CSMD3: variants seen among roughly 807,000 people sequenced by gnomAD.
CSMD3 encodes the protein CUB and sushi domain-containing protein 3.
CSMD3 carries 177 observed loss-of-function variants against 435.2 expected under a neutral mutation model. That is an observed-to-expected ratio of 0.41 (90% CI 0.36 to 0.46). The LOEUF is 0.46. CSMD3 is among the 20% of genes least tolerant of loss of function. The pLI is 0.34. For missense variants in CSMD3, 4,265 were observed against 4,504.6 expected (o/e 0.95, Z 1.52); for synonymous variants, 1,656 against 1,520.5 (o/e 1.09, Z -2.07).
chr8:112,437,120 G>T (rs1235911138), intron 32 of CSMD3, among the ~76,000 whole-genome samples: 4 of 151,946 alleles, frequency 2.6e-5, no homozygotes, highest in Non-Finnish European at 5.9e-5. Context: ...AACCAAAAGG[G>T]ATATGAAGAG....
chr8:113,372,152 T>C (rs1011154766), intron 1 of CSMD3, among the ~76,000 whole-genome samples: 16 of 152,180 alleles, frequency 1.1e-4, no homozygotes, highest in Admixed American at 1.0e-3. Flanking sequence ...GGGAGGTCAA[T>C]TTTTTATATC....
chr8:112,466,846 C>T (rs1194184134), intron 32 of CSMD3, among the ~76,000 whole-genome samples: 1 of 151,776 alleles, frequency 6.6e-6, no homozygotes, highest in Non-Finnish European at 1.5e-5. Flanking sequence ...GAAATAGTTG[C>T]TACTTATCAC....
chr8:112,852,728 C>G (rs961636887), intron 11 of CSMD3, among the ~76,000 whole-genome samples: 20 of 151,984 alleles, frequency 1.3e-4, no homozygotes, highest in Non-Finnish European at 2.8e-4. Flanking sequence ...TGAGACCATC[C>G]TGGCTAACAC....
chr8:113,277,158 ACTT>A (rs1315208656), intron 3 of CSMD3, among the ~76,000 whole-genome samples: 5 of 152,004 alleles, frequency 3.3e-5, no homozygotes, highest in Non-Finnish European at 5.9e-5. Flanking sequence ...TGCATTACTA[ACTT>A]CTTCTTCAGT....
At chr8:113,157,545 AAAC>A (rs2091957763) in intron 4 of CSMD3, among the ~76,000 whole-genome samples, 1 of 152,120 alleles carries the variant, frequency 6.6e-6, no homozygotes, top group African/African-American at 2.4e-5. Context: ...ATTAACTTTG[AAAC>A]AACATTATGT....
chr8:112,318,958 A>G lies in CSMD3; in HGVS notation c.7247-8T>C. ...GATACCTAATAATATCACCTATTAA[A>G]CAAAAGAGGGGAGGTTTCATATAAG... On this transcript the variant is annotated splice_region_variant and splice_polypyrimidine_tract_variant and intron_variant, in intron 46 of 70. Coordinates refer to ENST00000297405, the MANE Select transcript of CSMD3 (RefSeq NM_198123.2). The G allele has an allele frequency of 6.7e-7, 1 of 1,501,688 alleles. No homozygotes were observed. Among genetic ancestry groups the G allele is most frequent in the Non-Finnish European group, 9.3e-7 (1 of 1,079,878 alleles). 93.0% of individuals were successfully genotyped at this position (1,501,688 alleles called of 1,614,324 possible). A position where few individuals can be genotyped will look rare whatever the true frequency, so the allele number is the denominator to read the frequency against.
intron 9 of CSMD3, among the ~76,000 whole-genome samples, chr8:112,931,676 GA>G (rs1172136488): frequency 2.0e-5 from 3 of 151,920 alleles, no homozygotes; most frequent in Non-Finnish European, 4.4e-5. Flanking sequence ...TTGAATAGAA[GA>G]AAATATTTAC....
At chr8:112,429,258 CGT>C (rs575221876) in intron 32 of CSMD3, among the ~76,000 whole-genome samples, 93 of 152,110 alleles carry the variant, frequency 6.1e-4, no homozygotes, top group Middle Eastern at 3.4e-3. Flanking sequence ...GTGAAATTGA[CGT>C]TTTTAGATCC....
intron 4 of CSMD3, among the ~76,000 whole-genome samples, chr8:113,109,218 G>A (rs113698178): frequency 2.1e-4 from 32 of 152,340 alleles, no homozygotes; most frequent in African/African-American, 7.7e-4. Context: ...TTCTGGCCCT[G>A]AAAAATTAAT....
intron 6 of CSMD3, among the ~76,000 whole-genome samples, chr8:113,014,808 G>A (rs774697334): frequency 1.3e-5 from 2 of 152,148 alleles, no homozygotes; most frequent in Non-Finnish European, 2.9e-5. Context: ...GTCTGTATGT[G>A]TGTGTGCACA....
chr8:112,915,405 A>G (rs1171790816), intron 10 of CSMD3, among the ~76,000 whole-genome samples: 8 of 151,768 alleles, frequency 5.3e-5, no homozygotes, highest in Non-Finnish European at 8.8e-5. Flanking sequence ...AAAGTTAAAG[A>G]GTTGTTTTCT....
At chr8:113,267,705 A>T (rs1377850734) in intron 3 of CSMD3, among the ~76,000 whole-genome samples, 1 of 151,668 alleles carries the variant, frequency 6.6e-6, no homozygotes, top group African/African-American at 2.4e-5. Context: ...GAATATAGTT[A>T]ACAAAGTTGT....
At chr8:112,796,152 T>C (rs2078823947) in intron 13 of CSMD3, among the ~76,000 whole-genome samples, 1 of 152,098 alleles carries the variant, frequency 6.6e-6, no homozygotes, top group African/African-American at 2.4e-5. Context: ...TTCCAGCTTT[T>C]CCTAAAAATC....
At chr8:112,501,903 CA>C (rs1822004461) in intron 30 of CSMD3, among the ~76,000 whole-genome samples, 1 of 151,988 alleles carries the variant, frequency 6.6e-6, no homozygotes, top group African/African-American at 2.4e-5. Flanking sequence ...TGATAAATCT[CA>C]AAAACAATTT....
intron 1 of CSMD3, among the ~76,000 whole-genome samples, chr8:113,389,047 G>T (rs918591695): frequency 2.7e-5 from 4 of 149,356 alleles, no homozygotes; most frequent in African/African-American, 9.8e-5. Context: ...GATGTAAAAT[G>T]ACATCTTACA....
chr8:112,575,256 C>T (rs1829850730), intron 23 of CSMD3, among the ~76,000 whole-genome samples: 1 of 152,054 alleles, frequency 6.6e-6, no homozygotes, highest in Admixed American at 6.6e-5. Context: ...TAAGTCTCCA[C>T]TGACAAGGCC....
At chr8:112,244,725 A>G (rs1814534749) in intron 64 of CSMD3, 152 bp from the exon 65 acceptor site, 2 of 633,704 alleles carry the variant, frequency 3.2e-6, no homozygotes, top group African/African-American at 3.7e-5. Context: ...AAATGTTTCA[A>G]TGCAAATATA....
At chr8:113,364,383 T>C (rs1336683465) in intron 1 of CSMD3, among the ~76,000 whole-genome samples, 3 of 152,072 alleles carry the variant, frequency 2.0e-5, no homozygotes, top group Non-Finnish European at 1.5e-5. Flanking sequence ...TTTGTATTCT[T>C]TAAGCTATCA....
chr8:112,349,740 A>G (rs1191462572), intron 40 of CSMD3, among the ~76,000 whole-genome samples: 1 of 152,130 alleles, frequency 6.6e-6, no homozygotes, highest in East Asian at 1.9e-4. Context: ...CTTCCCTTAA[A>G]AAAATCATCC....
Sources: gnomAD v4.1 joint callset for allele counts (sites outside exome capture counted in the v4.1 genomes callset) on GRCh38, gnomAD v4.1.1 for gene constraint, MANE v1.5 for transcripts, NCBI Gene and HGNC (gene_info 2026-07-23, HGNC 2026-07-21) for gene names.